DIP2C: variants seen among roughly 807,000 people sequenced by gnomAD.
DIP2C encodes DIP2 acetate--CoA ligase C (putative).
DIP2C carries 33 observed loss-of-function variants against 192.4 expected under a neutral mutation model. The observed-to-expected ratio is 0.17, with a 90% CI of 0.13 to 0.23. The LOEUF (loss-of-function observed/expected upper bound fraction) is 0.23. DIP2C is among the 10% of genes least tolerant of loss of function. The probability of loss-of-function intolerance (pLI) is 1.00; values close to 1 mark genes in which losing one functional copy is unlikely to be tolerated. For synonymous variants in DIP2C, 979 were observed against 864.1 expected (o/e 1.13, Z -2.33); for missense variants, 1,537 against 2,110.1 (o/e 0.73, Z 5.32).
At position 390,503 on chromosome 10, in the gene DIP2C, G is replaced by A. The variant is rs901812310; in HGVS notation, c.1385-130C>T. On this transcript the variant is annotated intron_variant, in intron 11 of 36. Transcript: ENST00000280886. ...AATCTCTGGTGTCTCCGGACTTCAC[G>A]AGATCTAAGACATCAACAGAAGAGC... 24 of 1,083,026 alleles carry A rather than the reference G, an allele frequency of 2.2e-5. 1 individual carries two copies. The highest frequency in any genetic ancestry group is 2.1e-4 in the Admixed American group (10 of 48,056). 67.1% of individuals were successfully genotyped at this position (1,083,026 alleles called of 1,614,324 possible). A position where few individuals can be genotyped will look rare whatever the true frequency, so the allele number is the denominator to read the frequency against.
Position 346,805 on chromosome 10 carries a change from C to T in DIP2C, c.3232-1695G>A. Among the ~76,000 whole-genome samples the T allele has an allele frequency of 3.6e-5, 2 of 56,184 alleles. 1 individual carries two copies. Among genetic ancestry groups the T allele is most frequent in the Non-Finnish European group, 6.7e-5 (2 of 29,950 alleles). 36.9% of individuals were successfully genotyped at this position (56,184 alleles called of 152,430 possible). On this transcript the variant is annotated intron_variant, in intron 26 of 36. Coordinates refer to ENST00000280886, the MANE Select transcript of DIP2C (RefSeq NM_014974.3). ...CCGGACACATCGCGCGTAGTTCTCCCGGAAACGTCACACGCACCCGGACAC... is the reference window on the plus strand; with the variant it reads ...CCGGACACATCGCGCGTAGTTCTCCTGGAAACGTCACACGCACCCGGACAC...
chr10:512,906 C>T (rs924065543), intron 1 of DIP2C, among the ~76,000 whole-genome samples: 3 of 120,688 alleles, frequency 2.5e-5, no homozygotes, highest in South Asian at 5.1e-4. Context: ...GTGACAACAG[C>T]GAGACCCCAC....
intron 1 of DIP2C, among the ~76,000 whole-genome samples, chr10:645,043 C>T (rs536747649): frequency 9.2e-5 from 14 of 152,296 alleles, no homozygotes; most frequent in East Asian, 1.9e-4. Flanking sequence ...AAGACCCCTC[C>T]GGATGAGGTG....
Position 363,363 on chromosome 10 carries a change from C to T in DIP2C, c.2478-52G>A, listed in dbSNP as rs779140732. 1.3e-6 allele frequency: 2 copies of T among 1,504,628 alleles called. No individual in the cohort carries two copies. The highest frequency in any genetic ancestry group is 1.8e-6 in the Non-Finnish European group (2 of 1,093,582). 93.2% of individuals were successfully genotyped at this position (1,504,628 alleles called of 1,614,324 possible). On this transcript the variant is annotated intron_variant, in intron 20 of 36. Coordinates refer to ENST00000280886, the MANE Select transcript of DIP2C (RefSeq NM_014974.3). This position sits in a 1 kb window ranked among gnomAD's most constrained non-coding sequence, Gnocchi z 5.4. The stretch of plus-strand genomic sequence containing the variant: ...CACGCGCCGGGGACGCTCATGCAGC[C>T]CTCCCTCCGCCATCAGGGGCTCCAT...
At position 384,072 on chromosome 10, in the gene DIP2C, G is replaced by A; in HGVS notation, c.1831C>T (p.Leu611Phe). ...VAHRDQRDIN[L>F]SSLRMLIVAD... ...ACTATCAGCATTCGCAGAGAGGAGA[G>A]GTTGATGTCTCTCTGATCTCTGTGT... is the stretch of plus-strand genomic sequence containing the variant. Residue 611 changes from leucine to phenylalanine, a missense_variant, in exon 16 of 37, where the codon CTC (leucine) becomes TTC (phenylalanine). Physicochemically the swap from Leu to Phe is conservative, Grantham distance 22. Coordinates refer to ENST00000280886, the MANE Select transcript of DIP2C (RefSeq NM_014974.3). 6.2e-7 allele frequency: 1 copy of A among 1,611,774 alleles called. No homozygotes were observed.
chr10:601,078 A>C (rs952251898), intron 1 of DIP2C, among the ~76,000 whole-genome samples: 3 of 152,190 alleles, frequency 2.0e-5, no homozygotes, highest in African/African-American at 7.2e-5. Flanking sequence ...TGAATTTGCC[A>C]CTTCAGCCTA....
At chr10:671,491 G>A (rs1318754991) in intron 1 of DIP2C, among the ~76,000 whole-genome samples, 2 of 99,544 alleles carry the variant, frequency 2.0e-5, no homozygotes, top group Non-Finnish European at 3.9e-5. Flanking sequence ...CGCCACAGAC[G>A]CACGGACGGA....
intron 1 of DIP2C, among the ~76,000 whole-genome samples, chr10:615,657 A>AGC (rs1434523780): frequency 6.6e-6 from 1 of 152,018 alleles, no homozygotes; most frequent in Non-Finnish European, 1.5e-5. Context: ...GGGTTTGCTT[A>AGC]GCCTCTTCAC....
intron 3 of DIP2C, among the ~76,000 whole-genome samples, chr10:468,248 C>T (rs1970380673): frequency 6.6e-6 from 1 of 152,130 alleles, no homozygotes; most frequent in Non-Finnish European, 1.5e-5. Flanking sequence ...ATTTAGAGAA[C>T]TCACAACTAG....
chr10:520,474 T>G (rs1846629769), intron 1 of DIP2C, among the ~76,000 whole-genome samples: 1 of 152,198 alleles, frequency 6.6e-6, no homozygotes, highest in Non-Finnish European at 1.5e-5. Context: ...TTTCTGGGAG[T>G]AACAACTTTT....
intron 1 of DIP2C, among the ~76,000 whole-genome samples, chr10:548,911 C>CAAAAAAAAA (rs61437915): frequency 0.014 from 361 of 26,358 alleles, 15 homozygotes; most frequent in Middle Eastern, 0.042. Flanking sequence ...TAGCAGCTCA[C>CAAAAAAAAA]AAAAAAAAAA....
At chr10:506,818 T>G (rs1845621393) in intron 1 of DIP2C, among the ~76,000 whole-genome samples, 1 of 152,200 alleles carries the variant, frequency 6.6e-6, no homozygotes, top group Admixed American at 6.5e-5. Context: ...CTCACTGAAG[T>G]GGGTCCTGCA....
At position 580,200 on chromosome 10, in the gene DIP2C, GCA is replaced by G. The variant is rs377335884; in HGVS notation, c.86-93672_86-93671del. ...CTACACATGCGTAGTGTATACATAT[GCA>G]CATATATATAATGTATATATGTCAG... On this transcript the variant is annotated intron_variant, in intron 1 of 36. Coordinates refer to ENST00000280886, the MANE Select transcript of DIP2C (RefSeq NM_014974.3). Among the ~76,000 whole-genome samples the G allele has an allele frequency of 5.9e-4, 89 of 151,298 alleles. 1 individual carries two copies. The East Asian group carries it at 0.012, about 21-fold the overall frequency.
intron 1 of DIP2C, among the ~76,000 whole-genome samples, chr10:491,194 A>T (rs1414844769): frequency 1.3e-5 from 2 of 152,070 alleles, no homozygotes; most frequent in Non-Finnish European, 2.9e-5. Context: ...GAGCCGCGTG[A>T]CCCTAGGGGA....
chr10:284,212 G>A (rs549554659), intron 34 of DIP2C, among the ~76,000 whole-genome samples: 1 of 152,174 alleles, frequency 6.6e-6, no homozygotes, highest in African/African-American at 2.4e-5. Flanking sequence ...AAGTGGTCAA[G>A]TTCCAGGAAG....
chr10:670,146 A>G (rs1830539122), intron 1 of DIP2C, among the ~76,000 whole-genome samples: 1 of 152,146 alleles, frequency 6.6e-6, no homozygotes, highest in Admixed American at 6.5e-5. Context: ...ATACACGTGT[A>G]CACATATGCA....
At chr10:427,038 G>A (rs1338904756) in intron 4 of DIP2C, among the ~76,000 whole-genome samples, 1 of 152,216 alleles carries the variant, frequency 6.6e-6, no homozygotes, top group Non-Finnish European at 1.5e-5. Context: ...ATGATTATCT[G>A]CCTCTAGCTA....
intron 3 of DIP2C, among the ~76,000 whole-genome samples, chr10:457,711 C>G (rs1485923009): frequency 6.6e-6 from 1 of 151,664 alleles, no homozygotes; most frequent in Non-Finnish European, 1.5e-5. Context: ...GTGTGGCCAC[C>G]ACACCCGGCT....
At chr10:410,777 A>G (rs962494644) in intron 8 of DIP2C, among the ~76,000 whole-genome samples, 3 of 151,962 alleles carry the variant, frequency 2.0e-5, no homozygotes, top group African/African-American at 7.3e-5. Context: ...TTAACAATAG[A>G]GAGTTTGATA....
Sources: allele counts gnomAD v4.1 joint callset (sites outside exome capture counted in the v4.1 genomes callset), GRCh38; gene constraint gnomAD v4.1.1; non-coding constraint Gnocchi (gnomAD v3.1); transcripts MANE v1.5; gene names NCBI Gene and HGNC (gene_info 2026-07-23, HGNC 2026-07-21).